LRRC1: variants seen among roughly 807,000 people sequenced by gnomAD.
LRRC1 encodes leucine rich repeat containing 1.
Under a neutral mutation model 69.9 loss-of-function variants are expected in LRRC1, and 28 were observed. The observed-to-expected ratio is 0.40, with a 90% CI of 0.30 to 0.55. The LOEUF is 0.55. Ranked by LOEUF, LRRC1 falls within the 20% of genes least tolerant of loss-of-function variation. The pLI is 0.47. For missense variants in LRRC1, 498 were observed against 609.0 expected (o/e 0.82, Z 1.92); for synonymous variants, 236 against 240.2 (o/e 0.98, Z 0.16).
intron 1 of LRRC1, among the ~76,000 whole-genome samples, chr6:53,812,823 T>G (rs1581846834): frequency 1.4e-5 from 2 of 142,840 alleles, no homozygotes; most frequent in South Asian, 2.3e-4. Context: ...GTGAGGGAGG[T>G]GGAGGTGGAG....
chr6:53,908,661 T>C (rs1048727305), intron 10 of LRRC1, among the ~76,000 whole-genome samples: 8 of 152,186 alleles, frequency 5.3e-5, no homozygotes, highest in African/African-American at 1.9e-4. Context: ...ATTCGATTTC[T>C]GATCTTCAAG....
chr6:53,802,554 G>A (rs553098418), intron 1 of LRRC1, among the ~76,000 whole-genome samples: 33 of 152,288 alleles, frequency 2.2e-4, no homozygotes, highest in Middle Eastern at 3.4e-3. Flanking sequence ...GGCAAGTTTT[G>A]TAGTAGGCAT....
intron 4 of LRRC1, chr6:53,884,103 C>A: frequency 1.5e-6 from 1 of 688,140 alleles, no homozygotes; most frequent in South Asian, 1.6e-5. Context: ...GCCCTCAATA[C>A]ACTCTAGGTG....
intron 1 of LRRC1, among the ~76,000 whole-genome samples, chr6:53,818,567 AGAAAG>A (rs1166206465): frequency 6.6e-6 from 1 of 152,226 alleles, no homozygotes; most frequent in Non-Finnish European, 1.5e-5. Flanking sequence ...ATGTAAGAAA[AGAAAG>A]GCAGATAAGA....
chr6:53,809,844 G>A (rs1459528192), intron 1 of LRRC1, among the ~76,000 whole-genome samples: 1 of 151,898 alleles, frequency 6.6e-6, no homozygotes, highest in Non-Finnish European at 1.5e-5. Flanking sequence ...AATGAAACAG[G>A]TATTTAGTTA....
At chr6:53,896,004 A>T (rs1767857889) in intron 4 of LRRC1, among the ~76,000 whole-genome samples, 1 of 152,198 alleles carries the variant, frequency 6.6e-6, no homozygotes, top group Non-Finnish European at 1.5e-5. Context: ...AAGTAGATCA[A>T]CTTGGACTCT....
At chr6:53,858,549 T>A (rs1766393953) in intron 2 of LRRC1, among the ~76,000 whole-genome samples, 2 of 152,252 alleles carry the variant, frequency 1.3e-5, no homozygotes, top group Admixed American at 1.3e-4. Context: ...GCCCATCATA[T>A]ATCAGTTGCT....
intron 4 of LRRC1, among the ~76,000 whole-genome samples, chr6:53,889,052 AT>A (rs1182430725): frequency 1.3e-5 from 2 of 152,220 alleles, no homozygotes; most frequent in African/African-American, 4.8e-5. Flanking sequence ...AAGGATTCGA[AT>A]AGGCATTTCT....
intron 1 of LRRC1, among the ~76,000 whole-genome samples, chr6:53,805,623 A>G (rs1764615611): frequency 6.6e-6 from 1 of 152,190 alleles, no homozygotes; most frequent in African/African-American, 2.4e-5. Flanking sequence ...ATTCATCTGT[A>G]AAAAGAAGGT....
At chr6:53,875,697 C>T (rs1767043005) in intron 2 of LRRC1, among the ~76,000 whole-genome samples, 1 of 152,052 alleles carries the variant, frequency 6.6e-6, no homozygotes, top group African/African-American at 2.4e-5. Context: ...AACAGAATGC[C>T]ATCAGTGCTT....
chr6:53,900,993 T>G (rs1359924641), intron 8 of LRRC1, among the ~76,000 whole-genome samples: 5 of 152,198 alleles, frequency 3.3e-5, no homozygotes, highest in African/African-American at 1.2e-4. Flanking sequence ...AGATGAAAAT[T>G]TCAGTAGAAA....
At chr6:53,885,687 A>T (rs1047179323) in intron 4 of LRRC1, among the ~76,000 whole-genome samples, 3 of 152,178 alleles carry the variant, frequency 2.0e-5, no homozygotes, top group African/African-American at 7.2e-5. Flanking sequence ...TGTCTCAAGG[A>T]CTTGGGCCTC....
At chr6:53,884,579 C>A (rs1225353898) in intron 4 of LRRC1, among the ~76,000 whole-genome samples, 2 of 152,102 alleles carry the variant, frequency 1.3e-5, no homozygotes, top group Non-Finnish European at 2.9e-5. Context: ...CACTGTCCTC[C>A]TCTTGCTCCT....
At chr6:53,901,246 G>C (rs891789446) in intron 8 of LRRC1, among the ~76,000 whole-genome samples, 1 of 152,216 alleles carries the variant, frequency 6.6e-6, no homozygotes, top group Non-Finnish European at 1.5e-5. Context: ...TGAAAGTATT[G>C]TGAATTTCAT....
chr6:53,888,346 A>G (rs1433470390), intron 4 of LRRC1, among the ~76,000 whole-genome samples: 1 of 152,220 alleles, frequency 6.6e-6, no homozygotes, highest in Non-Finnish European at 1.5e-5. Flanking sequence ...GCATTAAACA[A>G]TTCTATTTAC....
At chr6:53,855,546 G>A (rs1341846523) in intron 2 of LRRC1, among the ~76,000 whole-genome samples, 3 of 152,122 alleles carry the variant, frequency 2.0e-5, no homozygotes, top group African/African-American at 4.8e-5. Flanking sequence ...CAAGCACCTC[G>A]GGGACCTGAG....
At chr6:53,884,396 A>G (rs1236583363) in intron 4 of LRRC1, among the ~76,000 whole-genome samples, 2 of 152,170 alleles carry the variant, frequency 1.3e-5, no homozygotes, top group African/African-American at 4.8e-5. Context: ...AGTCCCAGCT[A>G]CTTGGAAGGT....
At position 53,897,772 on chromosome 6, in the gene LRRC1, T is replaced by C. The variant is rs75015172; in HGVS notation, c.642+413T>C. Among the ~76,000 whole-genome samples the C allele has an allele frequency of 3.2e-3, 483 of 152,318 alleles. 7 individuals are homozygous for C. The East Asian group carries it at 0.041, about 13-fold the overall frequency. On this transcript the variant is annotated intron_variant, in intron 7 of 13. Transcript: ENST00000370888. Reference sequence around the variant, plus strand: ...CCCATAATAACTCATGTAAAAGCAATGTTAAATGCTTTTATTTCAGATTTT... The same window carrying C: ...CCCATAATAACTCATGTAAAAGCAACGTTAAATGCTTTTATTTCAGATTTT...
At chr6:53,847,041 A>G (rs1765969936) in intron 2 of LRRC1, among the ~76,000 whole-genome samples, 1 of 152,222 alleles carries the variant, frequency 6.6e-6, no homozygotes, top group South Asian at 2.1e-4. Flanking sequence ...CCCGAAGTGT[A>G]AGGTGTATAC....
Sources: gnomAD v4.1 joint callset for allele counts (sites outside exome capture counted in the v4.1 genomes callset) on GRCh38, gnomAD v4.1.1 for gene constraint, MANE v1.5 for transcripts, NCBI Gene and HGNC (gene_info 2026-07-23, HGNC 2026-07-21) for gene names.